Variants in PTPN6 observed in about 807,000 individuals in gnomAD.
PTPN6 encodes the protein protein tyrosine phosphatase non-receptor type 6, also known as tyrosine-protein phosphatase non-receptor type 6.
In PTPN6, 18 loss-of-function variants were observed where a neutral mutation model predicts 81.5. The observed-to-expected ratio is 0.22, with a 90% CI of 0.15 to 0.33. The LOEUF (loss-of-function observed/expected upper bound fraction) is 0.33, where lower values mean the gene tolerates loss of function less well. Among genes scored for constraint, PTPN6 ranks in the 10% least tolerant of loss-of-function variants. The pLI is 1.00. For missense variants in PTPN6, 500 were observed against 794.2 expected (o/e 0.63, Z 4.45); for synonymous variants, 301 against 310.9 (o/e 0.97, Z 0.33).
In PTPN6 at chr12:6,954,770, C is replaced by G; in HGVS notation, c.327-35C>G. ...TCTGCTCAGCGCCTTCCCCTGTGGC[C>G]TGGGTCTTACCTTCCCTGACGCTGC... On this transcript the variant is annotated intron_variant, in intron 3 of 15. Coordinates refer to ENST00000318974, the MANE Select transcript of PTPN6 (RefSeq NM_002831.6). This position sits in a 1 kb window ranked among gnomAD's most constrained non-coding sequence, Gnocchi z 5.4. The G allele has an allele frequency of 6.2e-7, 1 of 1,604,770 alleles. No individual in the cohort carries two copies. The highest frequency in any genetic ancestry group is 1.3e-5 in the African/African-American group (1 of 74,894).
In PTPN6 at chr12:6,951,381, G is replaced by T. The variant is rs1348892976; in HGVS notation, c.-132G>T. On this transcript the variant is annotated 5_prime_UTR_variant, in exon 1 of 16. Coordinates refer to ENST00000318974, the MANE Select transcript of PTPN6 (RefSeq NM_002831.6). This position sits in a 1 kb window ranked among gnomAD's most constrained non-coding sequence, Gnocchi z 7.2. ...AGTGGAGTGGCAGCCCCAGAACTGG[G>T]ACCACCGGGGGTGGTGAGGCGGCCC... 2 of 1,545,540 alleles carry T rather than the reference G, an allele frequency of 1.3e-6. No homozygotes were observed. Among genetic ancestry groups the T allele is most frequent in the African/African-American group, 1.4e-5 (1 of 72,972 alleles).
In PTPN6 at chr12:6,955,012, C is replaced by CG; in HGVS notation, c.516+23dup. The CG allele has an allele frequency of 6.2e-7, 1 of 1,613,732 alleles. No homozygotes were observed. On this transcript the variant is annotated intron_variant, in intron 4 of 15. Transcript: ENST00000318974. The surrounding 1 kb of genome is among the most constrained non-coding windows in gnomAD (Gnocchi z 7.2). ...TGTGCGAGGTAAGGCAGCCAGGCGGCGGGGGAGCCTCTGCTGAGGCTCCTG... is the reference window on the plus strand; with the variant it reads ...TGTGCGAGGTAAGGCAGCCAGGCGGCGGGGGGAGCCTCTGCTGAGGCTCCTG...
At position 6,960,490 on chromosome 12, in the gene PTPN6, C is replaced by A; in HGVS notation, c.1673+55C>A. ...ATCCACCCCTTTGTCCTGCCCAGCC[C>A]GATCCTCACTTTCTGGAGAGGACAA... On this transcript the variant is annotated intron_variant, in intron 14 of 15. Coordinates refer to ENST00000318974, the MANE Select transcript of PTPN6 (RefSeq NM_002831.6). This position sits in a 1 kb window ranked among gnomAD's most constrained non-coding sequence, Gnocchi z 6.1. The A allele has an allele frequency of 6.4e-7, 1 of 1,572,252 alleles. No individual in the cohort carries two copies. Among genetic ancestry groups the A allele is most frequent in the Non-Finnish European group, 8.7e-7 (1 of 1,146,644 alleles).
intron 3 of PTPN6, among the ~76,000 whole-genome samples, chr12:6,953,885 C>T (rs1565580990): frequency 6.6e-6 from 1 of 151,848 alleles, no homozygotes; most frequent in African/African-American, 2.4e-5. Flanking sequence ...TCCCCTCCTT[C>T]CCCCCATCCC....
At chr12:6,948,024 G>T (rs752774729), upstream of PTPN6, among the ~76,000 whole-genome samples, 13 of 151,930 alleles carry the variant, frequency 8.6e-5, no homozygotes, top group Non-Finnish European at 1.6e-4. Context: ...GGTGGCGCAC[G>T]TCTGTGATCC....
upstream of PTPN6, among the ~76,000 whole-genome samples, chr12:6,949,883 G>A (rs1440901859): frequency 4.2e-5 from 6 of 143,984 alleles, no homozygotes; most frequent in African/African-American, 1.0e-4. Context: ...GCATGATCTC[G>A]GCTCACTGCA....
At position 6,952,639 on chromosome 12, in the gene PTPN6, G is replaced by C. The variant is rs73262888; in HGVS notation, c.326+462G>C. 2,889 of 261,150 alleles carry C rather than the reference G, an allele frequency of 0.011. 85 individuals are homozygous for C. The highest frequency in any genetic ancestry group is 0.059 in the African/African-American group (2,664 of 45,190). 16.2% of individuals were successfully genotyped at this position (261,150 alleles called of 1,614,324 possible). On this transcript the variant is annotated intron_variant, in intron 3 of 15. Transcript: ENST00000318974. The surrounding 1 kb of genome is among the most constrained non-coding windows in gnomAD (Gnocchi z 8.1). The stretch of plus-strand genomic sequence containing the variant: ...GGGATGAATGCTTGCCAAGACACTT[G>C]ATGCCTTGTCCCAGCCGCCCCGTGG...
chr12:6,947,232 T>C (rs1945839202), upstream of PTPN6, among the ~76,000 whole-genome samples: 2 of 152,178 alleles, frequency 1.3e-5, no homozygotes, highest in Admixed American at 1.3e-4. Context: ...CCAGGTGCTG[T>C]TTAAGATGCT....
chr12:6,957,856 A>G lies in PTPN6; in HGVS notation c.1207-63A>G. 6.2e-7 allele frequency: 1 copy of G among 1,613,820 alleles called. No homozygotes were observed. On this transcript the variant is annotated intron_variant, in intron 10 of 15. Coordinates refer to ENST00000318974, the MANE Select transcript of PTPN6 (RefSeq NM_002831.6). The surrounding 1 kb of genome is among the most constrained non-coding windows in gnomAD (Gnocchi z 6.5). Reference sequence around the variant, plus strand: ...GACTTGTTCTCCTCTCTGGTCGGGTAGGGTGAGATGGATGAGGTGTTCCGA... The same window carrying G: ...GACTTGTTCTCCTCTCTGGTCGGGTGGGGTGAGATGGATGAGGTGTTCCGA...
Position 6,957,561 on chromosome 12 carries a change from C to T in PTPN6, c.1075-93C>T. On this transcript the variant is annotated intron_variant, in intron 9 of 15. Transcript: ENST00000318974. This position sits in a 1 kb window ranked among gnomAD's most constrained non-coding sequence, Gnocchi z 6.5. ...TCCGTCCATCCAACAAATGTTTGGG[C>T]CGGTGCCAGGCACTCAGAACATAGA... The T allele has an allele frequency of 6.7e-7, 1 of 1,484,946 alleles. No individual in the cohort carries two copies. The highest frequency in any genetic ancestry group is 1.2e-5 in the South Asian group (1 of 83,912). The allele number at this position is 1,484,946 out of a possible 1,614,324, so 92.0% of individuals were successfully genotyped here.
In PTPN6 at chr12:6,959,825, C is replaced by T. The variant is rs1346287715; in HGVS notation, c.1362-102C>T. On this transcript the variant is annotated intron_variant, in intron 11 of 15. Transcript: ENST00000318974. This position sits in a 1 kb window ranked among gnomAD's most constrained non-coding sequence, Gnocchi z 6.6. ...ACATTCCCTCCCATCACTGGAGGCT[C>T]AGGCTGCTCCTGTGGTGCCTGGGGC... The T allele has an allele frequency of 7.8e-7, 1 of 1,276,024 alleles. No homozygotes were observed. The highest frequency in any genetic ancestry group is 1.5e-5 in the African/African-American group (1 of 68,342). 79.0% of individuals were successfully genotyped at this position (1,276,024 alleles called of 1,614,324 possible).
At chr12:6,948,887 G>A (rs1463855708), upstream of PTPN6, among the ~76,000 whole-genome samples, 3 of 151,252 alleles carry the variant, frequency 2.0e-5, no homozygotes, top group Non-Finnish European at 4.4e-5. Flanking sequence ...GGAGGTTGCA[G>A]TGAGCCGAGA....
In PTPN6 at chr12:6,951,700, A is replaced by C. The variant is rs1555147772; in HGVS notation, c.100A>C (p.Lys34Gln). ...TAGCTTCCTGGCTCGGCCCAGTCGC[A>C]AGAACCAGGGTGACTTCTCGCTCTC... ...HGSFLARPSRKNQGDFSLSVR... is the reference protein window; with the variant it reads ...HGSFLARPSRQNQGDFSLSVR... Residue 34 changes from lysine (K) to glutamine (Q), a missense_variant, in exon 2 of 16, where the codon AAG (lysine) becomes CAG (glutamine). By Grantham distance (53) the Lys-to-Gln change is moderately conservative. Coordinates refer to ENST00000318974, the MANE Select transcript of PTPN6 (RefSeq NM_002831.6). This position sits in a 1 kb window ranked among gnomAD's most constrained non-coding sequence, Gnocchi z 7.2. 6.2e-7 allele frequency: 1 copy of C among 1,613,142 alleles called. No individual in the cohort carries two copies. Among genetic ancestry groups the C allele is most frequent in the Non-Finnish European group, 8.5e-7 (1 of 1,179,988 alleles).
chr12:6,948,945 C>CAA (rs1165231109), upstream of PTPN6, among the ~76,000 whole-genome samples: 6 of 84,984 alleles, frequency 7.1e-5, no homozygotes, highest in East Asian at 3.5e-4. Flanking sequence ...GACTCCATCT[C>CAA]AAAAAAAAAA....
chr12:6,946,875 G>A, upstream of PTPN6: 1 of 974,372 alleles, frequency 1.0e-6, no homozygotes, highest in South Asian at 1.4e-5. Context: ...CGGTCCCTAT[G>A]AACTTCCCCT....
intron 11 of PTPN6, among the ~76,000 whole-genome samples, chr12:6,958,350 G>C (rs1329260506): frequency 1.3e-5 from 2 of 152,222 alleles, no homozygotes; most frequent in Non-Finnish European, 2.9e-5. Flanking sequence ...AGGAGCCCGG[G>C]ACCCAGTTGC....
Position 6,959,631 on chromosome 12 carries a change from C to T in PTPN6, c.1362-296C>T. On this transcript the variant is annotated intron_variant, in intron 11 of 15. Coordinates refer to ENST00000318974, the MANE Select transcript of PTPN6 (RefSeq NM_002831.6). This position sits in a 1 kb window ranked among gnomAD's most constrained non-coding sequence, Gnocchi z 6.6. The stretch of plus-strand genomic sequence containing the variant: ...GTGGGATTTGGGGGTCCCAGGTCTT[C>T]CGGGGTGGGGGCAGCCACTCACTAG... 1.8e-6 allele frequency: 1 copy of T among 558,930 alleles called. No individual in the cohort carries two copies. Among genetic ancestry groups the T allele is most frequent in the Non-Finnish European group, 3.2e-6 (1 of 310,678 alleles). The allele number at this position is 558,930 out of a possible 1,614,324, so 34.6% of individuals were successfully genotyped here.
At chr12:6,950,718 G>C (rs1202538267), upstream of PTPN6, among the ~76,000 whole-genome samples, 1 of 152,172 alleles carries the variant, frequency 6.6e-6, no homozygotes, top group Admixed American at 6.5e-5. Flanking sequence ...GGACAAGGAG[G>C]CTCTTAATCT....
chr12:6,952,537 C>G lies in PTPN6; in HGVS notation c.326+360C>G. The stretch of plus-strand genomic sequence containing the variant: ...TAGAAAGCTCTTCTTCCTCTGGAAT[C>G]GAGCCTGCCTTCCTCCGTCTGCCCC... On this transcript the variant is annotated intron_variant, in intron 3 of 15. Coordinates refer to ENST00000318974, the MANE Select transcript of PTPN6 (RefSeq NM_002831.6). The surrounding 1 kb of genome is among the most constrained non-coding windows in gnomAD (Gnocchi z 8.1). 2.7e-6 allele frequency: 1 copy of G among 372,890 alleles called. No individual in the cohort carries two copies. The highest frequency in any genetic ancestry group is 6.1e-5 in the East Asian group (1 of 16,340). 23.1% of individuals were successfully genotyped at this position (372,890 alleles called of 1,614,324 possible). A position where few individuals can be genotyped will look rare whatever the true frequency, so the allele number is the denominator to read the frequency against.
Sources: gnomAD v4.1 joint callset for allele counts (sites outside exome capture counted in the v4.1 genomes callset) on GRCh38, gnomAD v4.1.1 for gene constraint, Gnocchi (gnomAD v3.1) non-coding constraint, MANE v1.5 for transcripts, NCBI Gene and HGNC (gene_info 2026-07-23, HGNC 2026-07-21) for gene names.